Variants in NDC80 observed in about 807,000 individuals in gnomAD.
NDC80 encodes the protein kinetochore protein NDC80 homolog.
In NDC80, 69 loss-of-function variants were observed where a neutral mutation model predicts 89.3. The observed-to-expected ratio is 0.77, with a 90% CI of 0.64 to 0.94. The LOEUF is 0.94. Ranked by LOEUF, NDC80 falls within the 40% of genes least tolerant of loss-of-function variation. The probability of loss-of-function intolerance (pLI) is 0.00; values close to 1 mark genes in which losing one functional copy is unlikely to be tolerated. For missense variants in NDC80, 593 were observed against 739.6 expected (o/e 0.80, Z 2.30); for synonymous variants, 243 against 255.6 (o/e 0.95, Z 0.47).
rs756565569 is a variant in NDC80 at position 2,578,048 on chromosome 18, T to G, written c.383T>G (p.Ile128Ser). Residue 128 changes from isoleucine to serine, a missense_variant, in exon 5 of 17, where the codon ATC (isoleucine) becomes AGC (serine). Transcript: ENST00000261597. ...CCCTCTGTTAAAGACTTCCTGAAGATCTTCACATTTCTTTATGGCTTCCTG... is the reference window on the plus strand; with the variant it reads ...CCCTCTGTTAAAGACTTCCTGAAGAGCTTCACATTTCTTTATGGCTTCCTG... The part of the protein sequence containing the change: ...QAPSVKDFLK[I>S]FTFLYGFLCP... The G allele has an allele frequency of 1.2e-6, 2 of 1,614,002 alleles. No homozygotes were observed. Among genetic ancestry groups the G allele is most frequent in the Non-Finnish European group, 1.7e-6 (2 of 1,180,012 alleles).
In NDC80 at chr18:2,614,654, AAAT is replaced by A. The variant is rs1444773214; in HGVS notation, c.1792-1780_1792-1778del. Among the ~76,000 whole-genome samples, 2 of 68,888 alleles carry A rather than the reference AAAT, an allele frequency of 2.9e-5. 1 individual carries two copies. Among genetic ancestry groups the A allele is most frequent in the Non-Finnish European group, 7.2e-5 (2 of 27,898 alleles). The allele number at this position is 68,888 out of a possible 152,430, so 45.2% of individuals were successfully genotyped here. On this transcript the variant is annotated intron_variant, in intron 16 of 16. Coordinates refer to ENST00000261597, the MANE Select transcript of NDC80 (RefSeq NM_006101.3). ...GAAAGAAAGAAAGAAAGAAAGAAAG[AAAT>A]AAATTTGGCAATCCGAAAAACCAAC...
At chr18:2,601,519 G>A (rs1235026345) in intron 13 of NDC80, 34 bp downstream of exon 13, 2 of 1,000,626 alleles carry the variant, frequency 2.0e-6, no homozygotes, top group Non-Finnish European at 2.8e-6. Context: ...CATAAAAAGT[G>A]AAAATTAGAT....
At chr18:2,611,666 C>A (rs1167709128) in intron 16 of NDC80, among the ~76,000 whole-genome samples, 2 of 152,114 alleles carry the variant, frequency 1.3e-5, no homozygotes, top group Non-Finnish European at 2.9e-5. Flanking sequence ...TCCCTCCAAC[C>A]TGCTGCACAG....
At chr18:2,596,313 TCAAA>T (rs1568005358) in intron 11 of NDC80, among the ~76,000 whole-genome samples, 1 of 151,686 alleles carries the variant, frequency 6.6e-6, no homozygotes, top group African/African-American at 2.4e-5. Flanking sequence ...TACAATGAAC[TCAAA>T]CAAATTTACA....
Position 2,578,777 on chromosome 18 carries a change from T to C in NDC80, c.477-150T>C, listed in dbSNP as rs2072561440. On this transcript the variant is annotated intron_variant, in intron 5 of 16. Coordinates refer to ENST00000261597, the MANE Select transcript of NDC80 (RefSeq NM_006101.3). ...GAGAAATACACAGAGATAAGATGACTAAGGATAGAATCCTAACATATCTTA... is the reference window on the plus strand; with the variant it reads ...GAGAAATACACAGAGATAAGATGACCAAGGATAGAATCCTAACATATCTTA... 4 of 420,120 alleles carry C rather than the reference T, an allele frequency of 9.5e-6. No individual in the cohort carries two copies. The East Asian group carries it at 1.1e-4, about 11-fold the overall frequency. The allele number at this position is 420,120 out of a possible 1,614,324, so 26.0% of individuals were successfully genotyped here.
intron 3 of NDC80, among the ~76,000 whole-genome samples, chr18:2,575,608 C>CA (rs1169618226): frequency 2.0e-5 from 3 of 151,636 alleles, no homozygotes; most frequent in East Asian, 1.9e-4. Context: ...CCTGTCTCTA[C>CA]AAAAAAAAAT....
chr18:2,600,620 C>G (rs1260682247), intron 12 of NDC80, among the ~76,000 whole-genome samples: 2 of 150,182 alleles, frequency 1.3e-5, no homozygotes, highest in Non-Finnish European at 3.0e-5. Flanking sequence ...AAAAAAAAAA[C>G]AGAGAGAGAG....
At chr18:2,599,635 G>C (rs919097084) in intron 12 of NDC80, among the ~76,000 whole-genome samples, 1 of 152,104 alleles carries the variant, frequency 6.6e-6, no homozygotes. Context: ...ATGTATTAGA[G>C]TACTAAGAAT....
intron 6 of NDC80, among the ~76,000 whole-genome samples, chr18:2,583,286 T>C (rs942766807): frequency 6.6e-6 from 1 of 152,352 alleles, no homozygotes; most frequent in South Asian, 2.1e-4. Context: ...TCTTGCAAAG[T>C]AGCAAGAGTT....
At chr18:2,595,258 TTATA>T in intron 10 of NDC80, among the ~76,000 whole-genome samples, 154 bp from the exon 11 acceptor site, 1 of 143,792 alleles carries the variant, frequency 7.0e-6, no homozygotes, top group East Asian at 2.0e-4. Flanking sequence ...TTGGAAATTT[TTATA>T]TATACTATAA....
intron 2 of NDC80, 97 bp downstream of exon 2, chr18:2,573,183 G>A: frequency 1.0e-6 from 1 of 972,952 alleles, no homozygotes; most frequent in Non-Finnish European, 1.5e-6. Flanking sequence ...TATGAGTGAT[G>A]TCTTGGTGAA....
At chr18:2,581,030 A>G (rs62086179) in intron 6 of NDC80, among the ~76,000 whole-genome samples, 110,409 of 151,572 alleles carry the variant, frequency 0.73, 40,536 homozygotes, top group East Asian at 0.87. Context: ...ATGAGCCACC[A>G]CGCCCGGCCC....
intron 10 of NDC80, among the ~76,000 whole-genome samples, 176 bp from the exon 11 acceptor site, chr18:2,595,240 T>TATATATAC (rs1294570704): frequency 1.0e-3 from 153 of 147,678 alleles, no homozygotes; most frequent in African/African-American, 3.6e-3. Context: ...TATATATATA[T>TATATATAC]ATGAGACTTG....
intron 9 of NDC80, among the ~76,000 whole-genome samples, 189 bp downstream of exon 9, chr18:2,589,499 G>A (rs1469635758): frequency 6.6e-6 from 1 of 151,984 alleles, no homozygotes; most frequent in Non-Finnish European, 1.5e-5. Flanking sequence ...TTTCCCTTGC[G>A]GTCTATCAGT....
At chr18:2,583,875 C>G (rs2072590797) in intron 6 of NDC80, among the ~76,000 whole-genome samples, 1 of 152,116 alleles carries the variant, frequency 6.6e-6, no homozygotes, top group African/African-American at 2.4e-5. Context: ...GACATTGTCT[C>G]CCTGAGAAAT....
intron 10 of NDC80, chr18:2,593,581 T>C (rs1208179847): frequency 9.6e-5 from 15 of 156,848 alleles, no homozygotes; most frequent in Non-Finnish European, 4.3e-5. Context: ...TCTTCCACAA[T>C]TCACAGTTCT....
intron 14 of NDC80, among the ~76,000 whole-genome samples, chr18:2,607,977 A>ATATATATG (rs2072722866): frequency 8.6e-6 from 1 of 116,956 alleles, no homozygotes; most frequent in Admixed American, 8.6e-5. Context: ...ATATATATAT[A>ATATATATG]TATATATATA....
At chr18:2,584,483 A>T (rs2072594777) in intron 6 of NDC80, among the ~76,000 whole-genome samples, 1 of 152,094 alleles carries the variant, frequency 6.6e-6, no homozygotes, top group South Asian at 2.1e-4. Flanking sequence ...AAAAACAGGC[A>T]TTCCAAAATG....
intron 7 of NDC80, among the ~76,000 whole-genome samples, chr18:2,585,666 T>A (rs1375868807): frequency 6.6e-6 from 1 of 151,610 alleles, no homozygotes; most frequent in Non-Finnish European, 1.5e-5. Flanking sequence ...CCTGAAAACA[T>A]TATAAATTTG....
Sources: gnomAD v4.1 joint callset for allele counts (sites outside exome capture counted in the v4.1 genomes callset) on GRCh38, gnomAD v4.1.1 for gene constraint, MANE v1.5 for transcripts, NCBI Gene and HGNC (gene_info 2026-07-23, HGNC 2026-07-21) for gene names.